The following CHRD variants were observed in gnomAD, a reference collection of about 807,000 sequenced individuals.
CHRD encodes chordin.
In CHRD, 69 loss-of-function variants were observed where a neutral mutation model predicts 113.7. The ratio of observed to expected loss-of-function variants is 0.61; its 90% CI spans 0.50 to 0.74. The LOEUF (loss-of-function observed/expected upper bound fraction) is 0.74, where lower values mean the gene tolerates loss of function less well. Ranked by LOEUF, CHRD falls within the 30% of genes least tolerant of loss-of-function variation. The pLI, the probability that CHRD is intolerant of heterozygous loss-of-function variation, is 0.00. For synonymous variants in CHRD, 561 were observed against 540.8 expected (o/e 1.04, Z -0.52); for missense variants, 1,194 against 1,295.8 (o/e 0.92, Z 1.21).
rs1384819095 is a variant in CHRD, at chr3:184,380,399, C to T, written c.81C>T (p.Ala27=). 2.2e-6 allele frequency: 3 copies of T among 1,340,290 alleles called. No individual in the cohort carries two copies. The highest frequency in any genetic ancestry group is 6.0e-5 in the Admixed American group (2 of 33,120). The allele number at this position is 1,340,290 out of a possible 1,614,324, so 83.0% of individuals were successfully genotyped here. The change falls in exon 1 of 23, where the codon GCC becomes GCT. Residue 27 remains alanine (A), a synonymous_variant. Coordinates refer to ENST00000204604, the Ensembl canonical transcript of CHRD. This position sits in a 1 kb window ranked among gnomAD's most constrained non-coding sequence, Gnocchi z 6.3. Reference sequence around the variant, plus strand: ...TCGGCTCCCGGCCGGCCCGCGGCGCCGGCCCAGAGCCCCCCGTGCTGCCCA... The same window carrying T: ...TCGGCTCCCGGCCGGCCCGCGGCGCTGGCCCAGAGCCCCCCGTGCTGCCCA...
In CHRD at chr3:184,381,552, C is replaced by G. The variant is rs754508907; in HGVS notation, c.439C>G (p.Pro147Ala). Residue 147 changes from proline to alanine, a missense_variant, in exon 4 of 23, where the codon CCG becomes GCG. By Grantham distance (27) the Pro-to-Ala change is conservative. Transcript: ENST00000204604. The surrounding 1 kb of genome is among the most constrained non-coding windows in gnomAD (Gnocchi z 4.7). ...CCTGTCCTTCGAGTATCCGCGGGAC[C>G]CGGAGCATCGCAGTTATAGCGACCG... The G allele has an allele frequency of 6.2e-7, 1 of 1,608,734 alleles. No individual in the cohort carries two copies. Among genetic ancestry groups the G allele is most frequent in the Non-Finnish European group, 8.5e-7 (1 of 1,178,132 alleles).
At position 184,386,715 on chromosome 3, in the gene CHRD, C is replaced by T. The variant is rs368217568; in HGVS notation, c.2156C>T (p.Ala719Val). 3.9e-5 allele frequency: 63 copies of T among 1,612,214 alleles called. No individual in the cohort carries two copies. In the East Asian group the frequency reaches 5.4e-4, roughly 14 times the overall value. Residue 719 changes from alanine to valine, a missense_variant, in exon 16 of 23, where the codon GCG (alanine) becomes GTG (valine). By Grantham distance (64) the Ala-to-Val change is moderately conservative. Transcript: ENST00000204604. ...CAGCGCCCCCACGGGGCTCGCTGGG[C>T]GCCCAACTACGACCCGCTCTGCTCA...
intron 10 of CHRD, 55 bp from the exon 11 acceptor site, chr3:184,383,257 G>A (rs550026791): frequency 1.3e-6 from 2 of 1,593,724 alleles, no homozygotes; most frequent in South Asian, 1.1e-5. Context: ...CTGTGGACTG[G>A]GGGTGTAAGC....
rs1382541634 is a variant in CHRD, at chr3:184,387,983, G to C, written c.2504G>C (p.Cys835Ser). 6.2e-7 allele frequency: 1 copy of C among 1,613,662 alleles called. No homozygotes were observed. The highest frequency in any genetic ancestry group is 2.2e-5 in the East Asian group (1 of 44,878). ...AAGGTGCAGTGTCCCCGGCTGGCCT[G>C]TGCCCAGCCTGTGCGTGTCAACCCC... Residue 835 changes from cysteine to serine, a missense_variant, in exon 20 of 23, where the codon TGT becomes TCT. Physicochemically the swap from Cys to Ser is moderately radical, Grantham distance 112. Coordinates refer to ENST00000204604, the Ensembl canonical transcript of CHRD. The surrounding 1 kb of genome is among the most constrained non-coding windows in gnomAD (Gnocchi z 6.1).
chr3:184,385,543 A>G (rs781492933), intron 14 of CHRD, among the ~76,000 whole-genome samples: 10 of 151,854 alleles, frequency 6.6e-5, no homozygotes, highest in Non-Finnish European at 1.2e-4. Flanking sequence ...GCACATGCCT[A>G]TAATCCCAGC....
At chr3:184,386,270 A>C (rs1716261887) in intron 15 of CHRD, 111 bp downstream of exon 15, 3 of 1,292,058 alleles carry the variant, frequency 2.3e-6, no homozygotes, top group Non-Finnish European at 3.3e-6. Flanking sequence ...GGGTGGTCGT[A>C]TCACAGCGCC....
chr3:184,382,152 A>G, intron 6 of CHRD, 132 bp downstream of exon 6: 1 of 1,320,262 alleles, frequency 7.6e-7, no homozygotes, highest in Non-Finnish European at 1.1e-6. Flanking sequence ...CCCATTTTAC[A>G]GAAGGGGGAA....
At position 184,388,387 on chromosome 3, in the gene CHRD, G is replaced by GCATCCATCCATC. The variant is rs61133846; in HGVS notation, c.2555-166_2555-155dup. Among the ~76,000 whole-genome samples the GCATCCATCCATC allele has an allele frequency of 8.9e-3, 1,301 of 146,092 alleles. 15 individuals are homozygous for GCATCCATCCATC. The highest frequency in any genetic ancestry group is 0.021 in the African/African-American group (849 of 39,532). Reference sequence around the variant, plus strand: ...TCCATCCACCCATCCACCCATTGATGCATCCATCCATCCATCCATCCATCC... The same window carrying GCATCCATCCATC: ...TCCATCCACCCATCCACCCATTGATGCATCCATCCATCCATCCATCCATCCATCCATCCATCC... On this transcript the variant is annotated intron_variant, in intron 20 of 22. Coordinates refer to ENST00000204604, the Ensembl canonical transcript of CHRD. This position sits in a 1 kb window ranked among gnomAD's most constrained non-coding sequence, Gnocchi z 6.1.
At chr3:184,385,366 A>G in intron 14 of CHRD, 128 bp downstream of exon 14, 1 of 692,178 alleles carries the variant, frequency 1.4e-6, no homozygotes, top group South Asian at 1.8e-5. Context: ...TAAATAAAAT[A>G]AATTAAACAG....
Position 184,380,579 on chromosome 3 carries a change from G to C in CHRD, c.148+113G>C. The C allele has an allele frequency of 2.9e-6, 3 of 1,037,974 alleles. No individual in the cohort carries two copies. Among genetic ancestry groups the C allele is most frequent in the Non-Finnish European group, 3.6e-6 (3 of 828,384 alleles). 64.3% of individuals were successfully genotyped at this position (1,037,974 alleles called of 1,614,324 possible). A position where few individuals can be genotyped will look rare whatever the true frequency, so the allele number is the denominator to read the frequency against. On this transcript the variant is annotated intron_variant, in intron 1 of 22. Coordinates refer to ENST00000204604, the Ensembl canonical transcript of CHRD. This position sits in a 1 kb window ranked among gnomAD's most constrained non-coding sequence, Gnocchi z 6.3. ...GCTCGGCGCGGCGGGCGGCCCGGAG[G>C]GTGGGCGGGGGCAGAAGGGCGCGGT...
exon 12 of CHRD, chr3:184,383,578 C>T: frequency 1.2e-6 from 2 of 1,614,098 alleles, no homozygotes; most frequent in South Asian, 2.2e-5. Context: ...GAGACCAAGC[C>T]TCAGCGGAGG....
exon 16 of CHRD, chr3:184,386,554 G>A (rs1716319927): frequency 1.3e-6 from 2 of 1,545,882 alleles, no homozygotes; most frequent in Admixed American, 2.3e-5. Flanking sequence ...GGGCCGAGGG[G>A]GTGCGGGCGC....
exon 16 of CHRD, chr3:184,386,612 C>G: frequency 6.2e-7 from 1 of 1,606,528 alleles, no homozygotes; most frequent in Non-Finnish European, 8.5e-7. Flanking sequence ...GGTGCCTGGT[C>G]TCCCGGCCCT....
rs1223850300 is a variant in CHRD at position 184,388,233 on chromosome 3, ATCCG to A, written c.2554+204_2554+207del. ...ATGGGTTCTGGTTCCTGCTCCATCC[ATCCG>A]TCCATCCATCCATCCATCCATCCAT... On this transcript the variant is annotated intron_variant, in intron 20 of 22. Coordinates refer to ENST00000204604, the Ensembl canonical transcript of CHRD. This position sits in a 1 kb window ranked among gnomAD's most constrained non-coding sequence, Gnocchi z 6.1. Among the ~76,000 whole-genome samples the A allele has an allele frequency of 8.7e-5, 12 of 137,226 alleles. No homozygotes were observed. The highest frequency in any genetic ancestry group is 2.1e-4 in the East Asian group (1 of 4,748). 90.0% of individuals were successfully genotyped at this position (137,226 alleles called of 152,430 possible). A position where few individuals can be genotyped will look rare whatever the true frequency, so the allele number is the denominator to read the frequency against.
At position 184,384,051 on chromosome 3, in the gene CHRD, AG is replaced by A. The variant is rs1421914547; in HGVS notation, c.1440+411del. ...CGGCCTCCCAAAGTGCTGGGATTAC[AG>A]GCGAGAGCCACCGTGCCCGGCATGA... is the stretch of plus-strand genomic sequence containing the variant. On this transcript the variant is annotated intron_variant, in intron 12 of 22. Coordinates refer to ENST00000204604, the Ensembl canonical transcript of CHRD. The surrounding 1 kb of genome is among the most constrained non-coding windows in gnomAD (Gnocchi z 4.4). 2.6e-5 allele frequency among the ~76,000 whole-genome samples: 4 copies of A among 152,152 alleles called. No homozygotes were observed. The highest frequency in any genetic ancestry group is 9.7e-5 in the African/African-American group (4 of 41,430).
At chr3:184,386,617 G>A (rs1399569835) in exon 16 of CHRD, 40 of 1,607,230 alleles carry the variant, frequency 2.5e-5, no homozygotes, top group Non-Finnish European at 3.2e-5. Context: ...CTGGTCTCCC[G>A]GCCCTAGCGC....
chr3:184,383,927 C>G (rs1310631391), intron 12 of CHRD, among the ~76,000 whole-genome samples: 1 of 152,084 alleles, frequency 6.6e-6, no homozygotes, highest in Non-Finnish European at 1.5e-5. Context: ...CAGGTGTGCA[C>G]CACCACACCC....
In CHRD at chr3:184,385,810, TA is replaced by T. The variant is rs545718174; in HGVS notation, c.1819-235del. Among the ~76,000 whole-genome samples the T allele has an allele frequency of 6.6e-5, 10 of 152,030 alleles. No homozygotes were observed. In the East Asian group the frequency reaches 1.9e-3, roughly 29 times the overall value. ...GTGGGGTGTCTTGGATAGTATGTAA[TA>T]TCCTGGACCTCAGGGGGGTAGGTGG... On this transcript the variant is annotated intron_variant, in intron 14 of 22. Transcript: ENST00000204604.
exon 23 of CHRD, chr3:184,389,550 C>T: frequency 1.3e-6 from 1 of 781,594 alleles, no homozygotes; most frequent in Non-Finnish European, 2.1e-6. Context: ...GCCTCTACTC[C>T]CACCCCCACT....
Sources: gnomAD v4.1 joint callset for allele counts (sites outside exome capture counted in the v4.1 genomes callset) on GRCh38, gnomAD v4.1.1 for gene constraint, Gnocchi (gnomAD v3.1) non-coding constraint, MANE v1.5 for transcripts, NCBI Gene and HGNC (gene_info 2026-07-23, HGNC 2026-07-21) for gene names.